Variants in RARB observed in about 807,000 individuals in gnomAD.
RARB encodes the protein retinoic acid receptor beta, also known as HBV-activated protein.
RARB carries 17 observed loss-of-function variants against 51.9 expected under a neutral mutation model. The observed-to-expected ratio is 0.33, with a 90% CI of 0.22 to 0.49. RARB has a LOEUF of 0.49. RARB is among the 20% of genes least tolerant of loss of function. The pLI, the probability that RARB is intolerant of heterozygous loss-of-function variation, is 0.99. For missense variants in RARB, 369 were observed against 550.8 expected, an observed-to-expected ratio of 0.67 and a Z score of 3.30; for synonymous variants, 215 against 195.4, an observed-to-expected ratio of 1.10 and a Z score of -0.84.
At chr3:25,502,183 G>A (rs1697351706) in intron 3 of RARB, among the ~76,000 whole-genome samples, 1 of 152,210 alleles carries the variant, frequency 6.6e-6, no homozygotes, top group African/African-American at 2.4e-5. Context: ...AGTGGGCTGG[G>A]TGCTGCGTGG....
chr3:25,338,605 C>T (rs1351647549), intron 5 of RARB, among the ~76,000 whole-genome samples: 1 of 152,094 alleles, frequency 6.6e-6, no homozygotes, highest in Non-Finnish European at 1.5e-5. Flanking sequence ...TAGGGAAGTT[C>T]AAAAGAAAAG....
At chr3:25,438,612 T>C (rs537712904) in intron 1 of RARB, among the ~76,000 whole-genome samples, 6 of 152,244 alleles carry the variant, frequency 3.9e-5, no homozygotes, top group Admixed American at 3.9e-4. Flanking sequence ...GGAAGGTGAA[T>C]AACACGGATT....
intron 5 of RARB, among the ~76,000 whole-genome samples, chr3:25,590,753 C>T (rs935278026): frequency 6.6e-6 from 1 of 152,204 alleles, no homozygotes; most frequent in East Asian, 1.9e-4. Context: ...TTCCTGACTG[C>T]AGATGATCTA....
chr3:25,214,169 GGC>G (rs1701765517), intron 5 of RARB, among the ~76,000 whole-genome samples: 1 of 152,174 alleles, frequency 6.6e-6, no homozygotes, highest in Admixed American at 6.5e-5. Flanking sequence ...TTGAAACTCA[GGC>G]CAAAGCACTC....
At chr3:25,174,960 T>A (rs1234048610) in intron 5 of RARB, among the ~76,000 whole-genome samples, 1 of 152,168 alleles carries the variant, frequency 6.6e-6, no homozygotes, top group Non-Finnish European at 1.5e-5. Context: ...AAAAGCTATT[T>A]TGGTTGTGAG....
intron 3 of RARB, among the ~76,000 whole-genome samples, chr3:25,068,749 C>T (rs781544385): frequency 5.9e-5 from 9 of 152,230 alleles, no homozygotes; most frequent in Admixed American, 2.0e-4. Flanking sequence ...AGGCAAGAAG[C>T]ACCATCTATA....
intron 2 of RARB, among the ~76,000 whole-genome samples, chr3:24,979,321 C>G (rs548405380): frequency 2.0e-4 from 30 of 151,300 alleles, no homozygotes; most frequent in African/African-American, 6.0e-4. Context: ...AATTTTCTGT[C>G]TCACAGTTGT....
At chr3:25,442,090 G>A (rs753225522) in intron 1 of RARB, among the ~76,000 whole-genome samples, 7 of 143,856 alleles carry the variant, frequency 4.9e-5, no homozygotes, top group Non-Finnish European at 1.1e-4. Context: ...TACAGCTGAG[G>A]AAGTGACTTT....
rs368924180 is a variant in RARB at position 25,385,688 on chromosome 3, T to G, written c.179-75505T>G. Among the ~76,000 whole-genome samples, 10 of 152,268 alleles carry G rather than the reference T, an allele frequency of 6.6e-5. No individual in the cohort carries two copies. In the East Asian group the frequency reaches 9.6e-4, roughly 15 times the overall value. ...CTGTTTGCCACTGAGGTTTTCTGAT[T>G]GTTAGTTTTGCAGCAATAGGTGATC... On this transcript the variant is annotated intron_variant, in intron 5 of 11. Coordinates refer to the RARB transcript ENST00000383772.
At chr3:25,033,892 G>T (rs1204718134) in intron 2 of RARB, among the ~76,000 whole-genome samples, 2 of 152,176 alleles carry the variant, frequency 1.3e-5, no homozygotes, top group African/African-American at 4.8e-5. Context: ...CATGGGTGTT[G>T]TTCTCCCAGA....
intron 5 of RARB, among the ~76,000 whole-genome samples, chr3:25,408,816 AC>A (rs989730583): frequency 6.6e-6 from 1 of 152,174 alleles, no homozygotes; most frequent in Non-Finnish European, 1.5e-5. Flanking sequence ...CGGGCAGATC[AC>A]GAGGTAAGGA....
intron 5 of RARB, among the ~76,000 whole-genome samples, chr3:25,412,630 A>C (rs1259625270): frequency 2.0e-5 from 3 of 152,250 alleles, no homozygotes; most frequent in African/African-American, 7.2e-5. Context: ...TTGAAATAAA[A>C]CATTTATAGA....
upstream of RARB, among the ~76,000 whole-genome samples, chr3:25,423,886 A>G (rs777722228): frequency 2.0e-5 from 3 of 152,272 alleles, no homozygotes; most frequent in Non-Finnish European, 4.4e-5. Flanking sequence ...GTACTGAGGC[A>G]TTCAGCAGGG....
At position 24,967,228 on chromosome 3, in the gene RARB, G is replaced by T. The variant is rs1696295449; in HGVS notation, c.-379-92897G>T. Among the ~76,000 whole-genome samples, 5 of 152,016 alleles carry T rather than the reference G, an allele frequency of 3.3e-5. No homozygotes were observed. In the South Asian group the frequency reaches 1.0e-3, roughly 32 times the overall value. On this transcript the variant is annotated intron_variant, in intron 2 of 11. Coordinates refer to the RARB transcript ENST00000383772. ...ATAAGCTTCTCGTTGGTCACAGTTGGTATCACTCCCATTTGCTTTTCTTCC... is the reference window on the plus strand; with the variant it reads ...ATAAGCTTCTCGTTGGTCACAGTTGTTATCACTCCCATTTGCTTTTCTTCC...
intron 5 of RARB, among the ~76,000 whole-genome samples, chr3:25,199,537 T>C (rs943922226): frequency 1.3e-5 from 2 of 152,114 alleles, no homozygotes; most frequent in Non-Finnish European, 2.9e-5. Flanking sequence ...TGTGCCATGT[T>C]GGTGTGCTGC....
chr3:25,571,084 G>A (rs1700692696), intron 4 of RARB, among the ~76,000 whole-genome samples: 1 of 152,140 alleles, frequency 6.6e-6, no homozygotes, highest in African/African-American at 2.4e-5. Context: ...ATGGAATCTG[G>A]GGCCAGCACA....
intron 2 of RARB, among the ~76,000 whole-genome samples, chr3:24,922,578 G>A (rs1437026711): frequency 1.3e-5 from 2 of 152,078 alleles, no homozygotes; most frequent in East Asian, 1.9e-4. Context: ...GAAAGAGCTG[G>A]GATATACAGA....
In RARB at chr3:25,242,397, C is replaced by T. The variant is rs113289378; in HGVS notation, c.178+67822C>T. 4.3e-3 allele frequency among the ~76,000 whole-genome samples: 650 copies of T among 151,998 alleles called. 4 individuals carry two copies. The highest frequency in any genetic ancestry group is 0.012 in the Admixed American group (177 of 15,260). ...TCTTTGCCCATGCCTATGTTCTGAA[C>T]GGTATTGCCTAGGTTTTCTTCTAGG... On this transcript the variant is annotated intron_variant, in intron 5 of 11. Coordinates refer to the RARB transcript ENST00000383772.
chr3:25,020,437 G>C (rs1697609572), intron 2 of RARB: 1 of 152,102 alleles, frequency 6.6e-6, no homozygotes, highest in African/African-American at 2.4e-5. Context: ...GGTAGCAGCT[G>C]TGACTACAGG....
Sources: gnomAD v4.1 joint callset for allele counts (sites outside exome capture counted in the v4.1 genomes callset) on GRCh38, gnomAD v4.1.1 for gene constraint, MANE v1.5 for transcripts, NCBI Gene and HGNC (gene_info 2026-07-23, HGNC 2026-07-21) for gene names.